WDR33: variants seen among roughly 807,000 people sequenced by gnomAD.
The protein encoded by WDR33 is pre-mRNA 3' end processing protein WDR33.
WDR33 carries 47 observed loss-of-function variants against 164.9 expected under a neutral mutation model. That is an observed-to-expected ratio of 0.29 (90% CI 0.23 to 0.36). WDR33 has a LOEUF of 0.36. Among genes scored for constraint, WDR33 ranks in the 10% least tolerant of loss-of-function variants. The probability of loss-of-function intolerance (pLI) is 1.00; values close to 1 mark genes in which losing one functional copy is unlikely to be tolerated. For missense variants in WDR33, 1,137 were observed against 1,754.1 expected (o/e 0.65, Z 6.28); for synonymous variants, 505 against 589.0 (o/e 0.86, Z 2.06).
rs1165806630 is a variant in WDR33, at chr2:127,770,347, T to C, written c.204+431A>G. 6.6e-6 allele frequency among the ~76,000 whole-genome samples: 1 copy of C among 152,200 alleles called. No individual in the cohort carries two copies. Among genetic ancestry groups the C allele is most frequent in the Non-Finnish European group, 1.5e-5 (1 of 68,030 alleles). On this transcript the variant is annotated intron_variant, in intron 2 of 21. Coordinates refer to ENST00000322313, the MANE Select transcript of WDR33 (RefSeq NM_018383.5). The surrounding 1 kb of genome is among the most constrained non-coding windows in gnomAD (Gnocchi z 4.9). The stretch of plus-strand genomic sequence containing the variant: ...TTCCACCGTGTCCCACTAATTCAAC[T>C]AACACAGGTATACATACTTACTACA...
rs557503672 is a variant in WDR33 at position 127,701,377 on chromosome 2, T to G, written c.*4946A>C. 48 of 710,326 alleles carry G rather than the reference T, an allele frequency of 6.8e-5. No homozygotes were observed. Among genetic ancestry groups the G allele is most frequent in the South Asian group, 4.9e-4 (7 of 14,182 alleles). 44.0% of individuals were successfully genotyped at this position (710,326 alleles called of 1,614,324 possible). A position where few individuals can be genotyped will look rare whatever the true frequency, so the allele number is the denominator to read the frequency against. ...ACGGTACTTGGGGACACCACAAAAGTCCGCAGAGCAGGCACCGCGGCACTT... is the reference window on the plus strand; with the variant it reads ...ACGGTACTTGGGGACACCACAAAAGGCCGCAGAGCAGGCACCGCGGCACTT... On this transcript the variant is annotated 3_prime_UTR_variant, in exon 22 of 22. Coordinates refer to ENST00000322313, the MANE Select transcript of WDR33 (RefSeq NM_018383.5).
rs1270783298 is a variant in WDR33 at position 127,719,983 on chromosome 2, G to A, written c.2042C>T (p.Pro681Leu). Residue 681 changes from proline (P) to leucine (L), a missense_variant, in exon 16 of 22, where the codon CCT becomes CTT. This residue lies in a region of WDR33 where 867 missense variants were observed against 1,073.0 expected (regional missense o/e 0.81). Transcript: ENST00000322313. The surrounding 1 kb of genome is among the most constrained non-coding windows in gnomAD (Gnocchi z 6.5). ...AGGTCCCAAAGGGCCATGAGGTCCA[G>A]GATGCCTCTGCATTCCTTGGGGCCC... Reference protein sequence around the residue: ...MHGPQGMQRHPGPHGPLGPQG... With the variant: ...MHGPQGMQRHLGPHGPLGPQG... 1.9e-6 allele frequency: 3 copies of A among 1,613,796 alleles called. No homozygotes were observed. The Admixed American group carries it at 5.0e-5, about 27-fold the overall frequency.
rs1290518342 is a variant in WDR33 at position 127,711,775 on chromosome 2, TA to T, written c.3308+1807del. On this transcript the variant is annotated intron_variant, in intron 18 of 21. Transcript: ENST00000322313. ...AGATATATATATATATATATATATA[TA>T]TATATTTTTTTTTTGAGACAGAGTC... 4.3e-4 allele frequency among the ~76,000 whole-genome samples: 43 copies of T among 99,884 alleles called. 1 individual carries two copies. The highest frequency in any genetic ancestry group is 6.6e-4 in the African/African-American group (13 of 19,704). The allele number at this position is 99,884 out of a possible 152,430, so 65.5% of individuals were successfully genotyped here.
intron 1 of WDR33, among the ~76,000 whole-genome samples, chr2:127,785,105 G>A (rs769036614): frequency 3.9e-5 from 6 of 152,060 alleles, no homozygotes; most frequent in African/African-American, 9.7e-5. Flanking sequence ...AATATTTGTC[G>A]TGTACCCAGG....
intron 7 of WDR33, among the ~76,000 whole-genome samples, chr2:127,733,827 C>T (rs1008064541): frequency 3.3e-5 from 5 of 152,140 alleles, no homozygotes; most frequent in African/African-American, 1.2e-4. Flanking sequence ...ACAGCAACAA[C>T]AAAAAATTAT....
At chr2:127,772,052 C>T (rs1347729149) in intron 1 of WDR33, among the ~76,000 whole-genome samples, 1 of 152,102 alleles carries the variant, frequency 6.6e-6, no homozygotes, top group Non-Finnish European at 1.5e-5. Context: ...TGGTCTCAGA[C>T]TCTTGGGCTC....
chr2:127,759,929 T>C (rs1687628272), intron 7 of WDR33, among the ~76,000 whole-genome samples: 3 of 152,108 alleles, frequency 2.0e-5, no homozygotes, highest in South Asian at 2.1e-4. Context: ...ACTTCTGTTA[T>C]GTACAGGAAC....
intron 7 of WDR33, among the ~76,000 whole-genome samples, chr2:127,760,895 A>G (rs1326554301): frequency 6.6e-6 from 1 of 152,202 alleles, no homozygotes; most frequent in Non-Finnish European, 1.5e-5. Context: ...TAAAATAAAG[A>G]GACCTCATAC....
intron 7 of WDR33, among the ~76,000 whole-genome samples, chr2:127,727,651 A>G (rs986331818): frequency 6.6e-6 from 1 of 152,216 alleles, no homozygotes; most frequent in African/African-American, 2.4e-5. Flanking sequence ...TAACTTACTA[A>G]AAGTCATAAA....
rs1322374909 is a variant in WDR33, at chr2:127,721,408, C to G, written c.1671+428G>C. On this transcript the variant is annotated intron_variant, in intron 15 of 21. Coordinates refer to ENST00000322313, the MANE Select transcript of WDR33 (RefSeq NM_018383.5). The surrounding 1 kb of genome is among the most constrained non-coding windows in gnomAD (Gnocchi z 4.9). ...CAGGTGTAAGCCACCACGCCTGACC[C>G]TAATTGGGTTTTAAAAGTCCAAGAT... is the stretch of plus-strand genomic sequence containing the variant. 6.6e-6 allele frequency among the ~76,000 whole-genome samples: 1 copy of G among 152,034 alleles called. No homozygotes were observed. Among genetic ancestry groups the G allele is most frequent in the Non-Finnish European group, 1.5e-5 (1 of 67,992 alleles).
Position 127,701,854 on chromosome 2 carries a change from C to T in WDR33, c.*4469G>A, listed in dbSNP as rs1194809509. 6 of 1,461,332 alleles carry T rather than the reference C, an allele frequency of 4.1e-6. No homozygotes were observed. The highest frequency in any genetic ancestry group is 2.4e-5 in the Admixed American group (1 of 41,160). The allele number at this position is 1,461,332 out of a possible 1,614,324, so 90.5% of individuals were successfully genotyped here. ...TTGCTGCTGCGCGCGCGCAAGTTCG[C>T]GCTGCTCTGGTCACTGGGCTCGGCG... is the stretch of plus-strand genomic sequence containing the variant. On this transcript the variant is annotated 3_prime_UTR_variant, in exon 22 of 22. Coordinates refer to ENST00000322313, the MANE Select transcript of WDR33 (RefSeq NM_018383.5).
chr2:127,729,653 G>A (rs565080251), intron 7 of WDR33, among the ~76,000 whole-genome samples: 25 of 152,090 alleles, frequency 1.6e-4, no homozygotes, highest in Non-Finnish European at 2.1e-4. Context: ...CCACCACCAC[G>A]CCCGGCTAAT....
intron 1 of WDR33, among the ~76,000 whole-genome samples, chr2:127,790,204 A>G (rs1438028567): frequency 6.6e-6 from 1 of 152,178 alleles, no homozygotes; most frequent in Non-Finnish European, 1.5e-5. Context: ...AGAGATGATC[A>G]TATGGTTTTC....
chr2:127,790,741 G>A (rs1688814968), intron 1 of WDR33, among the ~76,000 whole-genome samples: 2 of 151,858 alleles, frequency 1.3e-5, no homozygotes, highest in Admixed American at 6.6e-5. Context: ...CTCCCAAGTA[G>A]CTGGGACAAT....
intron 1 of WDR33, among the ~76,000 whole-genome samples, chr2:127,803,061 T>C (rs1435741270): frequency 6.6e-6 from 1 of 152,010 alleles, no homozygotes; most frequent in African/African-American, 2.4e-5. Context: ...AACTGTGAAA[T>C]TTGATAATCA....
chr2:127,750,663 AAAAAAAAAAAAAAAATAT>A (rs1687299421), intron 7 of WDR33, among the ~76,000 whole-genome samples: 1 of 65,986 alleles, frequency 1.5e-5, no homozygotes, highest in Non-Finnish European at 2.6e-5. Context: ...AAAAAAAAAA[AAAAAAAAAAAAAAAATAT>A]ATATATATAT....
At chr2:127,773,240 T>C (rs562265377) in intron 1 of WDR33, among the ~76,000 whole-genome samples, 25 of 152,318 alleles carry the variant, frequency 1.6e-4, no homozygotes, top group Admixed American at 5.9e-4. Flanking sequence ...CCAGAAAAGA[T>C]TGTGGCCACC....
intron 1 of WDR33, among the ~76,000 whole-genome samples, chr2:127,798,304 G>T (rs1337042658): frequency 2.9e-5 from 4 of 137,298 alleles, no homozygotes; most frequent in Non-Finnish European, 6.1e-5. Context: ...GGAAACAGAG[G>T]TTGCAGTGAG....
intron 4 of WDR33, among the ~76,000 whole-genome samples, chr2:127,767,713 T>A (rs1004533427): frequency 6.6e-6 from 1 of 151,888 alleles, no homozygotes; most frequent in South Asian, 2.1e-4. Context: ...AGACTCTGTC[T>A]AAAAAAAATA....
Sources: allele counts gnomAD v4.1 joint callset (sites outside exome capture counted in the v4.1 genomes callset), GRCh38; gene constraint gnomAD v4.1.1; regional missense constraint gnomAD v4.1.1; non-coding constraint Gnocchi (gnomAD v3.1); transcripts MANE v1.5; gene names NCBI Gene and HGNC (gene_info 2026-07-23, HGNC 2026-07-21).